Variants in BMPR2 observed in about 807,000 individuals in gnomAD.
The protein encoded by BMPR2 is bone morphogenetic protein receptor type 2, also known as bone morphogenetic protein receptor type-2.
BMPR2 carries 29 observed loss-of-function variants against 100.8 expected under a neutral mutation model. That is an observed-to-expected ratio of 0.29 (90% CI 0.21 to 0.39). The LOEUF is 0.39. BMPR2 is among the 10% of genes least tolerant of loss of function. BMPR2 has a pLI of 1.00. For missense variants in BMPR2, 1,011 were observed against 1,274.5 expected (o/e 0.79, Z 3.15); for synonymous variants, 382 against 442.3 (o/e 0.86, Z 1.71).
chr2:202,534,863 C>T (rs1474291914), intron 9 of BMPR2, among the ~76,000 whole-genome samples: 1 of 144,820 alleles, frequency 6.9e-6, no homozygotes, highest in Admixed American at 6.8e-5. Flanking sequence ...CTGACCCCCC[C>T]ACCTCCCTCC....
intron 3 of BMPR2, among the ~76,000 whole-genome samples, chr2:202,506,081 T>C (rs1370427350): frequency 6.6e-6 from 1 of 152,232 alleles, no homozygotes; most frequent in African/African-American, 2.4e-5. Context: ...TTACATGTTA[T>C]GTGTAACTCA....
At chr2:202,526,372 C>T (rs970880072) in intron 7 of BMPR2, among the ~76,000 whole-genome samples, 1 of 152,166 alleles carries the variant, frequency 6.6e-6, no homozygotes, top group African/African-American at 2.4e-5. Flanking sequence ...TTTAATATAT[C>T]AGTTTTCTTA....
intron 1 of BMPR2, among the ~76,000 whole-genome samples, chr2:202,396,263 TG>T: frequency 6.6e-6 from 1 of 152,240 alleles, no homozygotes; most frequent in Non-Finnish European, 1.5e-5. Flanking sequence ...AGGGTGGTGA[TG>T]AAGGCTGAGT....
At chr2:202,446,081 A>G (rs1383533313) in intron 1 of BMPR2, among the ~76,000 whole-genome samples, 1 of 150,464 alleles carries the variant, frequency 6.6e-6, no homozygotes, top group African/African-American at 2.5e-5. Flanking sequence ...GCCACAAACA[A>G]TTTTATACAA....
chr2:202,483,280 C>G (rs1415866099), intron 3 of BMPR2, among the ~76,000 whole-genome samples: 6 of 152,008 alleles, frequency 3.9e-5, no homozygotes, highest in Admixed American at 3.3e-4. Context: ...ATATGATTTG[C>G]AAATATTTTC....
At chr2:202,539,607 G>T (rs1254889101) in intron 9 of BMPR2, among the ~76,000 whole-genome samples, 1 of 151,898 alleles carries the variant, frequency 6.6e-6, no homozygotes, top group Non-Finnish European at 1.5e-5. Context: ...TGTAATGAAG[G>T]TTACTTCTCT....
At chr2:202,385,009 A>T (rs560457102) in intron 1 of BMPR2, among the ~76,000 whole-genome samples, 167 of 152,290 alleles carry the variant, frequency 1.1e-3, no homozygotes, top group African/African-American at 3.8e-3. Flanking sequence ...ATTCTGCCCC[A>T]GTAAGTTTAG....
intron 1 of BMPR2, among the ~76,000 whole-genome samples, chr2:202,405,725 G>A (rs1690878072): frequency 1.3e-5 from 2 of 148,480 alleles, no homozygotes; most frequent in Admixed American, 6.7e-5. Flanking sequence ...GGGAAAATGT[G>A]CTGCTAAAGG....
rs776732660 is a variant in BMPR2 at position 202,565,769 on chromosome 2, T to C, written c.*5823T>C. The C allele has an allele frequency of 6.6e-6, 1 of 152,310 alleles. No homozygotes were observed. The highest frequency in any genetic ancestry group is 1.5e-5 in the Non-Finnish European group (1 of 68,028). 9.4% of individuals were successfully genotyped at this position (152,310 alleles called of 1,614,324 possible). A position where few individuals can be genotyped will look rare whatever the true frequency, so the allele number is the denominator to read the frequency against. ...TTGTAGACCACTTTTGAAATACTTA[T>C]TATTTTGCAACATAGACTGGACTAT... On this transcript the variant is annotated 3_prime_UTR_variant, in exon 13 of 13. Coordinates refer to ENST00000374580, the MANE Select transcript of BMPR2 (RefSeq NM_001204.7).
intron 12 of BMPR2, among the ~76,000 whole-genome samples, chr2:202,556,810 C>T (rs922970962): frequency 5.3e-5 from 8 of 150,158 alleles, no homozygotes; most frequent in East Asian, 2.0e-4. Flanking sequence ...TTAGGCCAGG[C>T]GCGGTGGCTC....
rs574109523 is a variant in BMPR2 at position 202,560,434 on chromosome 2, C to A, written c.*488C>A. 177 of 170,154 alleles carry A rather than the reference C, an allele frequency of 1.0e-3. 1 individual carries two copies. Among genetic ancestry groups the A allele is most frequent in the Middle Eastern group, 3.1e-3 (1 of 318 alleles). 10.5% of individuals were successfully genotyped at this position (170,154 alleles called of 1,614,324 possible). A position where few individuals can be genotyped will look rare whatever the true frequency, so the allele number is the denominator to read the frequency against. ...CATATTATCTTGTTGGACATCTTTT[C>A]TCTTGTGTTTTGTTTGAATGTGCAA... On this transcript the variant is annotated 3_prime_UTR_variant, in exon 13 of 13. Transcript: ENST00000374580.
rs533452087 is a variant in BMPR2 at position 202,521,454 on chromosome 2, CT to C, written c.967+1254del. Among the ~76,000 whole-genome samples, 190 of 152,104 alleles carry C rather than the reference CT, an allele frequency of 1.2e-3. 1 individual carries two copies. The highest frequency in any genetic ancestry group is 4.4e-3 in the African/African-American group (183 of 41,504). On this transcript the variant is annotated intron_variant, in intron 7 of 12. Transcript: ENST00000374580. ...TGGTGGCATGCACCTGTAGTCGCAG[CT>C]ACTTGGGAGGCTGAGCTGGGAGGAT...
rs762096820 is a variant in BMPR2, at chr2:202,485,545, CTTTTTTT to C, written c.418+17869_418+17875del. Among the ~76,000 whole-genome samples, 2 of 64,010 alleles carry C rather than the reference CTTTTTTT, an allele frequency of 3.1e-5. 1 individual carries two copies. The highest frequency in any genetic ancestry group is 6.2e-4 in the Admixed American group (2 of 3,240). The allele number at this position is 64,010 out of a possible 152,430, so 42.0% of individuals were successfully genotyped here. A position where few individuals can be genotyped will look rare whatever the true frequency, so the allele number is the denominator to read the frequency against. ...GTCTCAAATCTCCCTTTGCCTTTAT[CTTTTTTT>C]TTTTTTTTTTTTGAGACAGAGTCTC... On this transcript the variant is annotated intron_variant, in intron 3 of 12. Transcript: ENST00000374580.
chr2:202,508,730 C>G (rs998314281), intron 3 of BMPR2, among the ~76,000 whole-genome samples: 5 of 152,202 alleles, frequency 3.3e-5, no homozygotes, highest in Admixed American at 6.5e-5. Context: ...CACTCCACTT[C>G]TGTATATAGT....
chr2:202,431,982 T>C (rs1185073830), intron 1 of BMPR2, among the ~76,000 whole-genome samples: 2 of 150,646 alleles, frequency 1.3e-5, no homozygotes, highest in Non-Finnish European at 2.9e-5. Flanking sequence ...TCCAGAAATA[T>C]TCTTTTTATA....
At chr2:202,550,146 G>A (rs1182577436) in intron 10 of BMPR2, among the ~76,000 whole-genome samples, 1 of 151,966 alleles carries the variant, frequency 6.6e-6, no homozygotes, top group East Asian at 1.9e-4. Context: ...GAGGTGGGCG[G>A]ATCACGAGGT....
At chr2:202,451,148 T>C (rs1691970648) in intron 1 of BMPR2, among the ~76,000 whole-genome samples, 1 of 152,210 alleles carries the variant, frequency 6.6e-6, no homozygotes, top group Admixed American at 6.5e-5. Context: ...TCTTGTATTT[T>C]TAGATACAGA....
intron 3 of BMPR2, among the ~76,000 whole-genome samples, chr2:202,504,563 C>T (rs1323572479): frequency 2.0e-5 from 3 of 152,146 alleles, no homozygotes; most frequent in Admixed American, 1.3e-4. Flanking sequence ...CTGCGAGGGT[C>T]CGTGGCTTCA....
intron 3 of BMPR2, among the ~76,000 whole-genome samples, chr2:202,511,089 G>A (rs1687615611): frequency 1.3e-5 from 2 of 149,006 alleles, no homozygotes; most frequent in Admixed American, 6.8e-5. Flanking sequence ...TATTACCTCT[G>A]TCTAGTTCCA....
Sources: allele counts gnomAD v4.1 joint callset (sites outside exome capture counted in the v4.1 genomes callset), GRCh38; gene constraint gnomAD v4.1.1; transcripts MANE v1.5; gene names NCBI Gene and HGNC (gene_info 2026-07-23, HGNC 2026-07-21).